The following ABTB3 variants were observed in gnomAD, a reference collection of about 807,000 sequenced individuals.
ABTB3 encodes ankyrin repeat and BTB domain containing 3.
chr12:107,563,279 G>A, the ABTB3 span, among the ~76,000 whole-genome samples: 1 of 152,178 alleles, frequency 6.6e-6, no homozygotes, highest in Non-Finnish European at 1.5e-5. Flanking sequence ...CAAATTCACA[G>A]AACTCAATTG....
chr12:107,655,521 G>A, the ABTB3 span, among the ~76,000 whole-genome samples: 1 of 152,332 alleles, frequency 6.6e-6, no homozygotes, highest in Admixed American at 6.5e-5. Context: ...AGATTGTGCT[G>A]CAAATAGAGG....
chr12:107,521,528 G>GC, the ABTB3 span, among the ~76,000 whole-genome samples: 1 of 152,006 alleles, frequency 6.6e-6, no homozygotes, highest in African/African-American at 2.4e-5. Context: ...TAAATGGCTG[G>GC]CCACTGTTGA....
the ABTB3 span, among the ~76,000 whole-genome samples, chr12:107,635,921 C>A: frequency 7.4e-6 from 1 of 134,678 alleles, no homozygotes; most frequent in Non-Finnish European, 1.5e-5. Flanking sequence ...CATGAGGGGA[C>A]ATACCTGAGC....
the ABTB3 span, among the ~76,000 whole-genome samples, chr12:107,586,306 C>T: frequency 6.6e-6 from 1 of 152,128 alleles, no homozygotes; most frequent in South Asian, 2.1e-4. Flanking sequence ...GACCTCGGGC[C>T]TCCCCCATCT....
chr12:107,352,033 C>G, the ABTB3 span, among the ~76,000 whole-genome samples: 17 of 152,254 alleles, frequency 1.1e-4, no homozygotes, highest in East Asian at 5.8e-4. Context: ...TAATAAATAC[C>G]TATGTTGTGT....
chr12:107,387,927 C>T, the ABTB3 span, among the ~76,000 whole-genome samples: 2 of 151,828 alleles, frequency 1.3e-5, no homozygotes, highest in African/African-American at 2.4e-5. Context: ...TTCCCCTCCT[C>T]CTACTCCTCT....
the ABTB3 span, among the ~76,000 whole-genome samples, chr12:107,393,416 T>C: frequency 6.6e-6 from 1 of 152,046 alleles, no homozygotes; most frequent in Non-Finnish European, 1.5e-5. Flanking sequence ...ACTACTGCAC[T>C]GCACAGCAAC....
At chr12:107,560,201 C>T in the ABTB3 span, among the ~76,000 whole-genome samples, 57,311 of 151,676 alleles carry the variant, frequency 0.38, 10,895 homozygotes, top group African/African-American at 0.39. Flanking sequence ...GGTTCGTGGC[C>T]ATTTGAGTTG....
At chr12:107,495,436 C>T in the ABTB3 span, among the ~76,000 whole-genome samples, 1 of 152,212 alleles carries the variant, frequency 6.6e-6, no homozygotes, top group Non-Finnish European at 1.5e-5. Context: ...TGGAGGGAGG[C>T]CTGCAGAGGG....
At chr12:107,504,807 G>GT in the ABTB3 span, among the ~76,000 whole-genome samples, 1 of 152,212 alleles carries the variant, frequency 6.6e-6, no homozygotes, top group Admixed American at 6.5e-5. Flanking sequence ...AAATGTGAAT[G>GT]TTTGTCCTTG....
At chr12:107,560,771 T>C in the ABTB3 span, among the ~76,000 whole-genome samples, 1 of 152,178 alleles carries the variant, frequency 6.6e-6, no homozygotes, top group Non-Finnish European at 1.5e-5. Context: ...GAAAGCAAGT[T>C]TTGAGCTTGT....
chr12:107,654,813 T>TACACACACACACACACACAC, the ABTB3 span, among the ~76,000 whole-genome samples: 1 of 95,992 alleles, frequency 1.0e-5, no homozygotes, highest in African/African-American at 5.5e-5. Context: ...GTCTACATTG[T>TACACACACACACACACACAC]ATACACACAC....
the ABTB3 span, chr12:107,610,108 C>T: frequency 6.5e-7 from 1 of 1,535,950 alleles, no homozygotes; most frequent in Non-Finnish European, 9.0e-7. Flanking sequence ...AATGCAATGT[C>T]CCAGGGTGCT....
the ABTB3 span, among the ~76,000 whole-genome samples, chr12:107,348,584 G>C: frequency 6.6e-6 from 1 of 152,208 alleles, no homozygotes; most frequent in East Asian, 1.9e-4. Flanking sequence ...AATTATGCCA[G>C]TGTGATGGTG....
chr12:107,534,094 G>A, the ABTB3 span, among the ~76,000 whole-genome samples: 1 of 152,054 alleles, frequency 6.6e-6, no homozygotes, highest in Non-Finnish European at 1.5e-5. Flanking sequence ...AGCTACTCAG[G>A]AGGCTGAGGC....
chr12:107,515,465 T>G, the ABTB3 span, among the ~76,000 whole-genome samples: 2 of 152,154 alleles, frequency 1.3e-5, no homozygotes, highest in African/African-American at 4.8e-5. Context: ...TTGGGTCACA[T>G]GTTGGAGTGG....
the ABTB3 span, among the ~76,000 whole-genome samples, chr12:107,583,688 G>C: frequency 6.6e-6 from 1 of 152,272 alleles, no homozygotes; most frequent in Non-Finnish European, 1.5e-5. Context: ...ATGGTCTAGC[G>C]ACCAAGTGTG....
At chr12:107,429,861 A>G in the ABTB3 span, among the ~76,000 whole-genome samples, 1 of 152,246 alleles carries the variant, frequency 6.6e-6, no homozygotes, top group African/African-American at 2.4e-5. Flanking sequence ...AGTGGCTGTA[A>G]CAAGCATAGC....
At chr12:107,653,454 G>T in the ABTB3 span, among the ~76,000 whole-genome samples, 1 of 151,736 alleles carries the variant, frequency 6.6e-6, no homozygotes, top group Non-Finnish European at 1.5e-5. Flanking sequence ...GGGCCAGAGC[G>T]TGCAGTGAGT....
Sources: allele counts gnomAD v4.1 joint callset (sites outside exome capture counted in the v4.1 genomes callset), GRCh38; gene constraint gnomAD v4.1.1; transcripts MANE v1.5; gene names NCBI Gene and HGNC (gene_info 2026-07-23, HGNC 2026-07-21).